The following DISC1 variants were observed in gnomAD, a reference collection of about 807,000 sequenced individuals.
DISC1 encodes disrupted in schizophrenia 1 protein.
DISC1 carries 57 observed loss-of-function variants against 84.5 expected under a neutral mutation model. The ratio of observed to expected loss-of-function variants is 0.67; its 90% confidence interval spans 0.55 to 0.84. The LOEUF is 0.84. DISC1 is among the 40% of genes least tolerant of loss of function. The pLI is 0.00. For missense variants in DISC1, 1,000 were observed against 1,057.8 expected (o/e 0.95, Z 0.76); for synonymous variants, 411 against 415.2 (o/e 0.99, Z 0.12).
chr1:232,006,341 A>G (rs1021122450), intron 10 of DISC1, among the ~76,000 whole-genome samples: 6 of 152,196 alleles, frequency 3.9e-5, no homozygotes. Context: ...GGCTTTGACC[A>G]AAATGCTGAT....
chr1:231,972,832 T>A (rs1055026049), intron 10 of DISC1, among the ~76,000 whole-genome samples: 2 of 152,152 alleles, frequency 1.3e-5, no homozygotes, highest in African/African-American at 4.8e-5. Flanking sequence ...CAAATGAAAC[T>A]GGTTATAAGG....
chr1:231,686,832 A>G (rs776003144), intron 1 of DISC1, among the ~76,000 whole-genome samples: 20 of 152,122 alleles, frequency 1.3e-4, no homozygotes, highest in Non-Finnish European at 2.8e-4. Context: ...AACAGCACCC[A>G]TGTCACCTCT....
At chr1:231,724,773 C>T (rs1033225809) in intron 3 of DISC1, among the ~76,000 whole-genome samples, 8 of 152,082 alleles carry the variant, frequency 5.3e-5, no homozygotes, top group Non-Finnish European at 7.4e-5. Flanking sequence ...TGGCATTTGG[C>T]GTTTGGTTGT....
chr1:231,991,567 C>T (rs936726630), intron 10 of DISC1, among the ~76,000 whole-genome samples: 2 of 152,192 alleles, frequency 1.3e-5, no homozygotes, highest in Non-Finnish European at 2.9e-5. Context: ...CTGATCAAAA[C>T]GGGGGGCCCC....
intron 9 of DISC1, chr1:231,854,820 A>G (rs112947134): frequency 0.031 from 8,960 of 293,352 alleles, 746 homozygotes; most frequent in African/African-American, 0.18. Context: ...GAGTTCAAGC[A>G]ATTCTCCTGC....
intron 3 of DISC1, among the ~76,000 whole-genome samples, chr1:231,712,898 C>G (rs1036013897): frequency 2.0e-5 from 3 of 152,126 alleles, no homozygotes; most frequent in African/African-American, 7.2e-5. Flanking sequence ...GGAAGAGATT[C>G]TGTGGGAAAT....
At chr1:231,804,789 G>A (rs1051979442) in intron 8 of DISC1, among the ~76,000 whole-genome samples, 1 of 152,118 alleles carries the variant, frequency 6.6e-6, no homozygotes, top group Non-Finnish European at 1.5e-5. Flanking sequence ...AGTTGGTTAG[G>A]ACCAGGATAC....
intron 3 of DISC1, among the ~76,000 whole-genome samples, chr1:231,708,291 A>G (rs574137534): frequency 2.6e-5 from 4 of 152,318 alleles, no homozygotes; most frequent in African/African-American, 4.8e-5. Flanking sequence ...AAACAAATGT[A>G]GAAGGCAAAC....
chr1:231,757,532 C>T (rs143667425), intron 4 of DISC1, among the ~76,000 whole-genome samples: 1 of 152,216 alleles, frequency 6.6e-6, no homozygotes, highest in African/African-American at 2.4e-5. Flanking sequence ...TCAGATCCTG[C>T]CAGCAGCCAA....
intron 9 of DISC1, among the ~76,000 whole-genome samples, chr1:231,886,771 CTTTCTTTCTTTCTTTCTTTCTTTCTTT>C (rs2086739846): frequency 6.0e-4 from 44 of 73,486 alleles, no homozygotes; most frequent in South Asian, 2.5e-3. Context: ...TCCTTCCTTT[CTTTCTTTCTTTCTTTCTTTCTTTCTTT>C]CTTTCTTTCT....
intron 3 of DISC1, among the ~76,000 whole-genome samples, chr1:231,742,947 G>A (rs893329697): frequency 1.3e-5 from 2 of 152,172 alleles, no homozygotes; most frequent in African/African-American, 4.8e-5. Flanking sequence ...CCTTTTGAAG[G>A]TGAGTGGCAG....
chr1:231,921,335 A>T (rs1209094128), intron 9 of DISC1, among the ~76,000 whole-genome samples: 1 of 152,156 alleles, frequency 6.6e-6, no homozygotes, highest in Non-Finnish European at 1.5e-5. Flanking sequence ...ACATGGAAAA[A>T]TGTGGGCACC....
rs116713843 is a variant in DISC1, at chr1:231,725,142, G to A, written c.1117+23118G>A. Among the ~76,000 whole-genome samples the A allele has an allele frequency of 1.4e-3, 218 of 152,220 alleles. 1 individual carries two copies. The highest frequency in any genetic ancestry group is 3.4e-3 in the Middle Eastern group (1 of 294). On this transcript the variant is annotated intron_variant, in intron 3 of 12. Coordinates refer to ENST00000439617, the MANE Select transcript of DISC1 (RefSeq NM_018662.3). The stretch of plus-strand genomic sequence containing the variant: ...CTCGCTGTGCAGCAACCACAGTGAC[G>A]TCCCCAGTGATCAGGCTTCGTGGGG...
chr1:231,926,741 C>G (rs115542045), intron 9 of DISC1, among the ~76,000 whole-genome samples: 3 of 152,282 alleles, frequency 2.0e-5, no homozygotes, highest in African/African-American at 7.2e-5. Context: ...AGAAGGGAAG[C>G]TCCTTGAATT....
At chr1:231,809,262 A>G (rs1158641446) in intron 8 of DISC1, among the ~76,000 whole-genome samples, 1 of 152,184 alleles carries the variant, frequency 6.6e-6, no homozygotes, top group Non-Finnish European at 1.5e-5. Context: ...CTTAGAATTT[A>G]TAGGAACCAG....
At chr1:232,003,736 A>G (rs1354881883) in intron 10 of DISC1, among the ~76,000 whole-genome samples, 1 of 152,042 alleles carries the variant, frequency 6.6e-6, no homozygotes, top group Non-Finnish European at 1.5e-5. Flanking sequence ...CTCAACCAGT[A>G]TGCAATAAAA....
chr1:231,923,026 C>A (rs986399195), intron 9 of DISC1, among the ~76,000 whole-genome samples: 1 of 152,034 alleles, frequency 6.6e-6, no homozygotes, highest in Non-Finnish European at 1.5e-5. Context: ...GCCTGCAATC[C>A]CAGCACTGTG....
intron 10 of DISC1, among the ~76,000 whole-genome samples, chr1:231,973,538 T>C (rs1662335615): frequency 6.6e-6 from 1 of 152,202 alleles, no homozygotes; most frequent in Admixed American, 6.5e-5. Flanking sequence ...TTGATCTGGT[T>C]TCAAAACATA....
intron 9 of DISC1, among the ~76,000 whole-genome samples, chr1:231,884,588 A>T (rs1323662237): frequency 2.0e-5 from 3 of 152,240 alleles, no homozygotes; most frequent in South Asian, 4.1e-4. Flanking sequence ...ATGATGAAAC[A>T]ATTTATCTTC....
Sources: gnomAD v4.1 joint callset for allele counts (sites outside exome capture counted in the v4.1 genomes callset) on GRCh38, gnomAD v4.1.1 for gene constraint, MANE v1.5 for transcripts, NCBI Gene and HGNC (gene_info 2026-07-23, HGNC 2026-07-21) for gene names.